Variants in CCSER1 observed in about 807,000 individuals in gnomAD.
CCSER1 encodes the protein coiled-coil serine rich protein 1.
CCSER1 carries 41 observed loss-of-function variants against 82.0 expected under a neutral mutation model. The observed-to-expected ratio is 0.50, with a 90% confidence interval of 0.39 to 0.65. CCSER1 has a LOEUF of 0.65. Ranked by LOEUF, CCSER1 falls within the 30% of genes least tolerant of loss-of-function variation. CCSER1 has a pLI of 0.00. For synonymous variants in CCSER1, 414 were observed against 383.9 expected, an observed-to-expected ratio of 1.08 and a Z score of -0.92; for missense variants, 1,119 against 1,064.2, an observed-to-expected ratio of 1.05 and a Z score of -0.72.
At chr4:91,304,934 G>T (rs894334395) in intron 10 of CCSER1, among the ~76,000 whole-genome samples, 2 of 151,880 alleles carry the variant, frequency 1.3e-5, no homozygotes, top group Non-Finnish European at 1.5e-5. Flanking sequence ...TCCGTAGAAA[G>T]CAGGGCAAAA....
intron 4 of CCSER1, among the ~76,000 whole-genome samples, chr4:90,440,583 A>T (rs1339036140): frequency 6.6e-6 from 1 of 152,186 alleles, no homozygotes; most frequent in African/African-American, 2.4e-5. Context: ...TGGTGGGCAA[A>T]TGTTCTTGCA....
At chr4:91,306,155 A>G (rs909996984) in intron 10 of CCSER1, among the ~76,000 whole-genome samples, 1 of 151,922 alleles carries the variant, frequency 6.6e-6, no homozygotes, top group African/African-American at 2.4e-5. Flanking sequence ...AACCTTTCAT[A>G]TATGATTACT....
In CCSER1 at chr4:90,265,204, G is replaced by C. The variant is rs1725023861; in HGVS notation, c.-41-43040G>C. 2.0e-5 allele frequency among the ~76,000 whole-genome samples: 3 copies of C among 151,744 alleles called. No homozygotes were observed. The South Asian group carries it at 6.2e-4, about 32-fold the overall frequency. ...AATAATTATACCTACCTATATTCCT[G>C]AGGCAATATTTTTTATTTTACTTTT... On this transcript the variant is annotated intron_variant, in intron 1 of 10. Coordinates refer to ENST00000509176, the MANE Select transcript of CCSER1 (RefSeq NM_001145065.2).
chr4:90,413,178 A>G (rs748800744), intron 4 of CCSER1, among the ~76,000 whole-genome samples: 3 of 152,204 alleles, frequency 2.0e-5, no homozygotes, highest in Non-Finnish European at 4.4e-5. Context: ...TCAAATGAAG[A>G]ACACAACCCC....
chr4:90,210,699 C>A (rs1739816928), intron 1 of CCSER1, among the ~76,000 whole-genome samples: 1 of 152,114 alleles, frequency 6.6e-6, no homozygotes, highest in Admixed American at 6.5e-5. Flanking sequence ...CTGGCCTCAG[C>A]CTCCCAAAGT....
intron 1 of CCSER1, among the ~76,000 whole-genome samples, chr4:90,297,574 T>C (rs1732207888): frequency 6.7e-6 from 1 of 148,342 alleles, no homozygotes; most frequent in African/African-American, 2.5e-5. Flanking sequence ...CTTGTGCCAG[T>C]TTTCAAAGGG....
At chr4:91,514,430 T>C (rs1759990270) in intron 10 of CCSER1, among the ~76,000 whole-genome samples, 1 of 152,158 alleles carries the variant, frequency 6.6e-6, no homozygotes. Context: ...GAATATTCTG[T>C]GATTGATATG....
At chr4:90,437,864 A>G (rs1306393261) in intron 4 of CCSER1, among the ~76,000 whole-genome samples, 2 of 152,156 alleles carry the variant, frequency 1.3e-5, no homozygotes, top group African/African-American at 4.8e-5. Flanking sequence ...CTGAATAGCC[A>G]GAGGTGATTT....
chr4:90,162,511 A>C (rs1201191791), intron 1 of CCSER1, among the ~76,000 whole-genome samples: 4 of 152,106 alleles, frequency 2.6e-5, no homozygotes, highest in Non-Finnish European at 5.9e-5. Flanking sequence ...TAATGGATTA[A>C]GTGTTTTTCA....
intron 8 of CCSER1, among the ~76,000 whole-genome samples, chr4:90,882,219 A>G (rs1721437323): frequency 6.6e-6 from 1 of 152,084 alleles, no homozygotes; most frequent in African/African-American, 2.4e-5. Flanking sequence ...TACATCACAT[A>G]TATACCTAGT....
At chr4:90,754,548 A>G (rs1405888581) in intron 7 of CCSER1, among the ~76,000 whole-genome samples, 2 of 152,120 alleles carry the variant, frequency 1.3e-5, no homozygotes, top group African/African-American at 4.8e-5. Flanking sequence ...TAGCCAGACA[A>G]TTTTGTGTCA....
chr4:90,592,770 A>G (rs1782867575), intron 5 of CCSER1, among the ~76,000 whole-genome samples: 1 of 151,998 alleles, frequency 6.6e-6, no homozygotes. Flanking sequence ...GGTTCTTTGT[A>G]TCCTCTGAAG....
intron 10 of CCSER1, among the ~76,000 whole-genome samples, chr4:91,538,973 G>C (rs182888283): frequency 6.6e-6 from 1 of 151,816 alleles, no homozygotes. Flanking sequence ...ATTTACCCTT[G>C]TTCTGTCAGC....
chr4:91,290,573 CTGAACTATTAAAATA>C (rs1318003472), intron 10 of CCSER1, among the ~76,000 whole-genome samples: 11 of 151,908 alleles, frequency 7.2e-5, no homozygotes, highest in Admixed American at 3.3e-4. Context: ...GGAACCAATA[CTGAACTATTAAAATA>C]TGAATGATCT....
chr4:91,427,576 A>C (rs1754059480), intron 10 of CCSER1, among the ~76,000 whole-genome samples: 1 of 152,156 alleles, frequency 6.6e-6, no homozygotes, highest in African/African-American at 2.4e-5. Context: ...GGCCAGCTTC[A>C]CTGATGAAGT....
intron 7 of CCSER1, among the ~76,000 whole-genome samples, chr4:90,772,964 G>A (rs758775196): frequency 1.3e-5 from 2 of 152,160 alleles, no homozygotes; most frequent in African/African-American, 2.4e-5. Flanking sequence ...GTAGAGGCCA[G>A]GCATGTTGGC....
intron 8 of CCSER1, among the ~76,000 whole-genome samples, chr4:90,835,258 GA>G (rs1193172543): frequency 2.0e-5 from 3 of 152,180 alleles, no homozygotes; most frequent in African/African-American, 7.2e-5. Context: ...GTGAACCCGG[GA>G]GGGGGAGCTT....
At chr4:90,133,859 C>A (rs960727438) in intron 1 of CCSER1, among the ~76,000 whole-genome samples, 24 of 152,056 alleles carry the variant, frequency 1.6e-4, no homozygotes, top group Admixed American at 1.3e-3. Flanking sequence ...ATAGTAGACG[C>A]CTGATAAATA....
chr4:91,054,085 G>A (rs1451387002), intron 9 of CCSER1, among the ~76,000 whole-genome samples: 1 of 152,194 alleles, frequency 6.6e-6, no homozygotes, highest in Non-Finnish European at 1.5e-5. Flanking sequence ...GGGCTTGTAG[G>A]CTTGATTTTG....
Sources: allele counts gnomAD v4.1 joint callset (sites outside exome capture counted in the v4.1 genomes callset), GRCh38; gene constraint gnomAD v4.1.1; transcripts MANE v1.5; gene names NCBI Gene and HGNC (gene_info 2026-07-23, HGNC 2026-07-21).